The following KCNT2 variants were observed in gnomAD, a reference collection of about 807,000 sequenced individuals.
KCNT2 encodes the protein potassium sodium-activated channel subfamily T member 2, also known as potassium channel subfamily T member 2.
KCNT2 carries 67 observed loss-of-function variants against 153.8 expected under a neutral mutation model. The ratio of observed to expected loss-of-function variants is 0.44; its 90% CI spans 0.36 to 0.53. The LOEUF (loss-of-function observed/expected upper bound fraction) is 0.53. Among genes scored for constraint, KCNT2 ranks in the 20% least tolerant of loss-of-function variants. KCNT2 has a pLI of 0.00. For missense variants in KCNT2, 975 were observed against 1,354.8 expected, an observed-to-expected ratio of 0.72 and a Z score of 4.40; for synonymous variants, 500 against 458.8, an observed-to-expected ratio of 1.09 and a Z score of -1.15.
chr1:196,282,991 T>G (rs1222897062), intron 23 of KCNT2, among the ~76,000 whole-genome samples: 4 of 152,142 alleles, frequency 2.6e-5, no homozygotes, highest in African/African-American at 7.2e-5. Flanking sequence ...ATGACAGGCA[T>G]GCGCCATGGC....
At chr1:196,573,777 G>C (rs1572868733) in intron 1 of KCNT2, among the ~76,000 whole-genome samples, 1 of 151,924 alleles carries the variant, frequency 6.6e-6, no homozygotes, top group Non-Finnish European at 1.5e-5. Context: ...TTCACAATAT[G>C]CTTAATGGAA....
At chr1:196,248,664 C>A (rs1400870123) in intron 26 of KCNT2, among the ~76,000 whole-genome samples, 2 of 152,020 alleles carry the variant, frequency 1.3e-5, no homozygotes, top group Non-Finnish European at 2.9e-5. Context: ...AGAAATGTCC[C>A]AGCAAAGAAA....
intron 1 of KCNT2, among the ~76,000 whole-genome samples, chr1:196,538,940 C>T (rs1655973896): frequency 1.3e-5 from 2 of 152,204 alleles, no homozygotes; most frequent in African/African-American, 4.8e-5. Context: ...GAAATATTCA[C>T]TTCCATGAAA....
chr1:196,333,717 G>A (rs2148116055), intron 17 of KCNT2, 130 bp downstream of exon 17: 1 of 640,114 alleles, frequency 1.6e-6, no homozygotes, highest in Non-Finnish European at 2.8e-6. Context: ...GAAGTATATA[G>A]GAATGATTCT....
intron 27 of KCNT2, among the ~76,000 whole-genome samples, chr1:196,234,354 T>A (rs1490780784): frequency 1.3e-5 from 2 of 151,312 alleles, no homozygotes; most frequent in Admixed American, 6.6e-5. Context: ...ATTTTTTTTT[T>A]ATTTTTGTAA....
intron 12 of KCNT2, among the ~76,000 whole-genome samples, chr1:196,405,560 C>T (rs1430212114): frequency 6.6e-6 from 1 of 151,446 alleles, no homozygotes; most frequent in African/African-American, 2.4e-5. Flanking sequence ...AGAACTCAGA[C>T]ATTTTAGATG....
At chr1:196,365,767 G>T (rs1277321199) in intron 14 of KCNT2, among the ~76,000 whole-genome samples, 1 of 152,172 alleles carries the variant, frequency 6.6e-6, no homozygotes, top group Non-Finnish European at 1.5e-5. Flanking sequence ...ACAACATGTG[G>T]TTCTGGGTAT....
intron 1 of KCNT2, among the ~76,000 whole-genome samples, chr1:196,607,963 G>A (rs895422503): frequency 1.3e-5 from 2 of 152,050 alleles, no homozygotes; most frequent in Non-Finnish European, 2.9e-5. Flanking sequence ...AAAAGAATAA[G>A]CACCAAATGA....
chr1:196,516,601 C>T (rs1682075660), intron 1 of KCNT2, among the ~76,000 whole-genome samples: 1 of 152,206 alleles, frequency 6.6e-6, no homozygotes, highest in Non-Finnish European at 1.5e-5. Context: ...GAGCAGACCA[C>T]AACACAGCAG....
chr1:196,373,035 A>G, intron 14 of KCNT2, 105 bp downstream of exon 14: 1 of 627,356 alleles, frequency 1.6e-6, no homozygotes, highest in Non-Finnish European at 2.8e-6. Context: ...GTATAGGTAC[A>G]TATCTAGCTG....
chr1:196,468,668 T>C (rs1238732111), intron 6 of KCNT2, among the ~76,000 whole-genome samples: 1 of 152,032 alleles, frequency 6.6e-6, no homozygotes, highest in Non-Finnish European at 1.5e-5. Flanking sequence ...AATTGGCTTA[T>C]TTTTTTAAAA....
At chr1:196,587,178 C>T (rs1477211690) in intron 1 of KCNT2, among the ~76,000 whole-genome samples, 2 of 152,040 alleles carry the variant, frequency 1.3e-5, no homozygotes, top group African/African-American at 2.4e-5. Context: ...CGAATAACAA[C>T]ATATTGATGA....
intron 12 of KCNT2, among the ~76,000 whole-genome samples, chr1:196,416,522 AC>A (rs1403752925): frequency 6.6e-6 from 1 of 151,908 alleles, no homozygotes; most frequent in African/African-American, 2.4e-5. Flanking sequence ...GTACCTATTG[AC>A]CCCTTGCTAC....
At chr1:196,449,274 G>A (rs756434058) in intron 8 of KCNT2, among the ~76,000 whole-genome samples, 18 of 151,612 alleles carry the variant, frequency 1.2e-4, no homozygotes, top group East Asian at 3.9e-4. Context: ...GAGATATTTA[G>A]AACATCCTAA....
intron 21 of KCNT2, among the ~76,000 whole-genome samples, chr1:196,310,158 C>T (rs184871003): frequency 2.0e-5 from 3 of 151,886 alleles, no homozygotes; most frequent in African/African-American, 7.2e-5. Context: ...GTTTATGACA[C>T]ATTATTCAAA....
chr1:196,399,675 T>C (rs1457663814), intron 12 of KCNT2, among the ~76,000 whole-genome samples: 1 of 151,764 alleles, frequency 6.6e-6, no homozygotes, highest in Non-Finnish European at 1.5e-5. Context: ...GAAACTGCTA[T>C]AGACAGAATG....
intron 13 of KCNT2, among the ~76,000 whole-genome samples, chr1:196,392,340 C>G (rs543542877): frequency 6.7e-6 from 1 of 149,122 alleles, no homozygotes; most frequent in African/African-American, 2.5e-5. Flanking sequence ...ATGATCTCCA[C>G]GATAATAAAA....
intron 11 of KCNT2, among the ~76,000 whole-genome samples, chr1:196,425,348 A>G (rs1422417396): frequency 1.3e-5 from 2 of 151,954 alleles, no homozygotes; most frequent in Non-Finnish European, 2.9e-5. Context: ...TGATTCCTCT[A>G]GTCCATGGCA....
chr1:196,228,161 A>G lies in KCNT2; in HGVS notation c.*63T>C. 1.1e-6 allele frequency: 1 copy of G among 887,412 alleles called. No individual in the cohort carries two copies. The allele number at this position is 887,412 out of a possible 1,614,324, so 55.0% of individuals were successfully genotyped here. On this transcript the variant is annotated 3_prime_UTR_variant, in exon 28 of 28. Transcript: ENST00000294725. ...ATTTCCATCTAGTTTCTTTCGTGCC[A>G]GCAAAACTTTTGTGGTTTCAAGCAA... is the stretch of plus-strand genomic sequence containing the variant.
Sources: allele counts gnomAD v4.1 joint callset (sites outside exome capture counted in the v4.1 genomes callset), GRCh38; gene constraint gnomAD v4.1.1; transcripts MANE v1.5; gene names NCBI Gene and HGNC (gene_info 2026-07-23, HGNC 2026-07-21).